RERG: variants seen among roughly 807,000 people sequenced by gnomAD.
RERG encodes ras-related and estrogen-regulated growth inhibitor.
A neutral mutation model predicts 23.2 loss-of-function variants in RERG; 25 were observed. That is an observed-to-expected ratio of 1.08 (90% confidence interval 0.79 to 1.50). The LOEUF (loss-of-function observed/expected upper bound fraction) is 1.50. Ranked by LOEUF, RERG falls within the 40% of genes most tolerant of loss-of-function variation. The pLI, the probability that RERG is intolerant of heterozygous loss-of-function variation, is 0.00. For missense variants in RERG, 253 were observed against 250.1 expected (o/e 1.01, Z -0.08); for synonymous variants, 81 against 89.1 (o/e 0.91, Z 0.51).
intron 2 of RERG, among the ~76,000 whole-genome samples, chr12:15,157,965 A>G (rs533874761): frequency 3.9e-4 from 60 of 152,204 alleles, no homozygotes; most frequent in African/African-American, 1.4e-3. Flanking sequence ...ATATACACAC[A>G]TTCATATTTT....
chr12:15,114,457 C>T (rs1863682824), intron 3 of RERG: 1 of 151,810 alleles, frequency 6.6e-6, no homozygotes, highest in Non-Finnish European at 1.5e-5. Flanking sequence ...AGGAGGATGC[C>T]CAATTAGCAA....
chr12:15,123,088 C>T (rs1160459079), intron 2 of RERG, among the ~76,000 whole-genome samples: 1 of 152,120 alleles, frequency 6.6e-6, no homozygotes, highest in African/African-American at 2.4e-5. Context: ...TGAGCCACCG[C>T]GCCCGGCCAG....
chr12:15,128,087 G>A (rs1411902246), intron 2 of RERG, among the ~76,000 whole-genome samples: 1 of 151,728 alleles, frequency 6.6e-6, no homozygotes, highest in African/African-American at 2.4e-5. Context: ...CTATGTATAC[G>A]ATATAATTCT....
intron 2 of RERG, among the ~76,000 whole-genome samples, chr12:15,122,899 A>G (rs965390723): frequency 1.3e-5 from 2 of 151,786 alleles, no homozygotes; most frequent in African/African-American, 4.8e-5. Context: ...TTCGGGTTCA[A>G]GCAATTCTCC....
chr12:15,147,034 T>G (rs1468727454), intron 2 of RERG, among the ~76,000 whole-genome samples: 1 of 151,614 alleles, frequency 6.6e-6, no homozygotes, highest in African/African-American at 2.4e-5. Flanking sequence ...AGCTTTTGAT[T>G]GTGTCCAGCT....
chr12:15,214,041 C>T (rs199509554), intron 2 of RERG, among the ~76,000 whole-genome samples: 1,834 of 66,696 alleles, frequency 0.027, 20 homozygotes, highest in African/African-American at 0.066. Flanking sequence ...TGTGTGTGCG[C>T]GTGTGTGGAG....
At chr12:15,141,528 G>A (rs953465182) in intron 2 of RERG, among the ~76,000 whole-genome samples, 7 of 151,804 alleles carry the variant, frequency 4.6e-5, no homozygotes, top group South Asian at 2.1e-4. Context: ...TATATTACCC[G>A]TCTGTTCTTG....
In RERG at chr12:15,187,021, C is replaced by T. The variant is rs186538676; in HGVS notation, c.61+30408G>A. Among the ~76,000 whole-genome samples, 10 of 152,154 alleles carry T rather than the reference C, an allele frequency of 6.6e-5. No homozygotes were observed. In the East Asian group the frequency reaches 1.9e-3, roughly 29 times the overall value. On this transcript the variant is annotated intron_variant, in intron 2 of 4. Coordinates refer to ENST00000256953, the MANE Select transcript of RERG (RefSeq NM_032918.3). ...GGATAATTTGATTTCAATTAAGATT[C>T]CTACAGAGATAATTAGACTATCTAG...
intron 2 of RERG, among the ~76,000 whole-genome samples, chr12:15,153,622 C>T (rs537336587): frequency 8.6e-5 from 13 of 151,400 alleles, no homozygotes; most frequent in Admixed American, 2.0e-4. Context: ...AGAATATTCA[C>T]GGTGCATTAC....
chr12:15,161,137 A>AAAAAGAAAG (rs1864598672), intron 2 of RERG, among the ~76,000 whole-genome samples: 1 of 146,572 alleles, frequency 6.8e-6, no homozygotes, highest in Non-Finnish European at 1.5e-5. Context: ...TCCATCTCAG[A>AAAAAGAAAG]AAAAGAAAGA....
intron 4 of RERG, among the ~76,000 whole-genome samples, chr12:15,110,110 C>T (rs930788996): frequency 1.3e-5 from 2 of 152,044 alleles, no homozygotes; most frequent in East Asian, 3.9e-4. Flanking sequence ...TCAGAGCCCC[C>T]AAAATGTCGT....
At chr12:15,112,114 A>G (rs1863630817) in intron 3 of RERG, among the ~76,000 whole-genome samples, 1 of 152,226 alleles carries the variant, frequency 6.6e-6, no homozygotes, top group African/African-American at 2.4e-5. Context: ...TGGTCCTTCT[A>G]AAAATCGAGT....
intron 2 of RERG, among the ~76,000 whole-genome samples, chr12:15,131,759 T>C (rs1395787751): frequency 6.6e-6 from 1 of 152,178 alleles, no homozygotes. Context: ...ACTGATCTGG[T>C]TTCCTGTCCA....
chr12:15,167,336 C>A (rs76085126), intron 2 of RERG, among the ~76,000 whole-genome samples: 2,416 of 152,262 alleles, frequency 0.016, 41 homozygotes, highest in Middle Eastern at 0.037. Context: ...AAAGACTCCA[C>A]CCCAGCTCTA....
intron 2 of RERG, among the ~76,000 whole-genome samples, chr12:15,155,551 A>G (rs1159737259): frequency 6.6e-6 from 1 of 152,192 alleles, no homozygotes; most frequent in Non-Finnish European, 1.5e-5. Context: ...AAATTGAGTA[A>G]GAAGAACAGG....
At chr12:15,163,200 G>C (rs1864638813) in intron 2 of RERG, among the ~76,000 whole-genome samples, 1 of 152,122 alleles carries the variant, frequency 6.6e-6, no homozygotes, top group Admixed American at 6.5e-5. Flanking sequence ...CAGGTGGCCT[G>C]ATATTGAAAA....
At chr12:15,168,704 T>A (rs73065433) in intron 2 of RERG, among the ~76,000 whole-genome samples, 1 of 152,326 alleles carries the variant, frequency 6.6e-6, no homozygotes, top group Non-Finnish European at 1.5e-5. Flanking sequence ...TGAGAAATGA[T>A]GACAGCCCCA....
intron 2 of RERG, chr12:15,151,921 A>G (rs1055769922): frequency 2.0e-5 from 3 of 152,214 alleles, no homozygotes; most frequent in Non-Finnish European, 4.4e-5. Context: ...AAAGTATTTT[A>G]CAATAAATGC....
intron 2 of RERG, among the ~76,000 whole-genome samples, chr12:15,180,566 T>C (rs917258689): frequency 9.9e-5 from 15 of 152,156 alleles, no homozygotes; most frequent in Non-Finnish European, 1.5e-4. Flanking sequence ...CCCACACCCA[T>C]GAGACAAATC....
Sources: gnomAD v4.1 joint callset for allele counts (sites outside exome capture counted in the v4.1 genomes callset) on GRCh38, gnomAD v4.1.1 for gene constraint, MANE v1.5 for transcripts, NCBI Gene and HGNC (gene_info 2026-07-23, HGNC 2026-07-21) for gene names.